The following TENT2 variants were observed in gnomAD, a reference collection of about 807,000 sequenced individuals.
TENT2 encodes the protein poly(A) RNA polymerase GLD2.
A neutral mutation model predicts 72.2 loss-of-function variants in TENT2; 44 were observed. That is an observed-to-expected ratio of 0.61 (90% CI 0.48 to 0.78). The LOEUF is 0.78. Ranked by LOEUF, TENT2 falls within the 30% of genes least tolerant of loss-of-function variation. The probability of loss-of-function intolerance (pLI) is 0.00; values close to 1 mark genes in which losing one functional copy is unlikely to be tolerated. For synonymous variants in TENT2, 212 were observed against 192.5 expected (o/e 1.10, Z -0.84); for missense variants, 541 against 569.6 (o/e 0.95, Z 0.51).
intron 11 of TENT2, among the ~76,000 whole-genome samples, chr5:79,667,977 C>T (rs1249852513): frequency 6.0e-5 from 9 of 149,066 alleles, no homozygotes; most frequent in Non-Finnish European, 1.0e-4. Flanking sequence ...TCTATTCTGA[C>T]GGCAGTGGAG....
At chr5:79,677,679 A>G (rs1317709923) in intron 12 of TENT2, among the ~76,000 whole-genome samples, 1 of 152,254 alleles carries the variant, frequency 6.6e-6, no homozygotes, top group Admixed American at 6.5e-5. Context: ...AAGTGAAGGG[A>G]TGCAAACTGT....
intron 10 of TENT2, among the ~76,000 whole-genome samples, chr5:79,650,251 A>G (rs1489425131): frequency 6.6e-6 from 1 of 152,158 alleles, no homozygotes; most frequent in Non-Finnish European, 1.5e-5. Flanking sequence ...CCTACCAAAT[A>G]AATGCTAGGT....
At position 79,668,979 on chromosome 5, in the gene TENT2, C is replaced by T. The variant is rs914782211; in HGVS notation, c.1159C>T (p.Leu387Phe). 1 of 1,613,784 alleles carries T rather than the reference C, an allele frequency of 6.2e-7. No individual in the cohort carries two copies. The change falls in exon 12 of 15, where the codon CTT becomes TTT. Residue 387 changes from leucine (L) to phenylalanine (F), a missense_variant. Transcript: ENST00000453514. ...PPYLSKNESNLGDLLLGFLKY... is the reference protein window; with the variant it reads ...PPYLSKNESNFGDLLLGFLKY... ...TTACCTCTCAAAGAATGAATCAAAC[C>T]TTGGGGACCTCTTACTGGGCTTTCT...
rs1825842683 is a variant in TENT2 at position 79,685,737 on chromosome 5, G to A, written c.*464G>A. On this transcript the variant is annotated 3_prime_UTR_variant, in exon 15 of 15. Coordinates refer to ENST00000453514, the MANE Select transcript of TENT2 (RefSeq NM_001114394.3). ...CAAGTCAGTTGTTCAGTTACTTGAA[G>A]CAAAACGAAATCTTTCATTTCAGTC... The A allele has an allele frequency of 1.3e-5, 2 of 154,032 alleles. No individual in the cohort carries two copies. Among genetic ancestry groups the A allele is most frequent in the African/African-American group, 4.8e-5 (2 of 41,460 alleles). The allele number at this position is 154,032 out of a possible 1,614,324, so 9.5% of individuals were successfully genotyped here.
intron 11 of TENT2, among the ~76,000 whole-genome samples, chr5:79,662,512 C>T (rs574285018): frequency 7.0e-4 from 107 of 152,232 alleles, no homozygotes; most frequent in African/African-American, 2.5e-3. Context: ...AAAATTACTC[C>T]TTGATCCGTG....
chr5:79,625,775 A>G (rs957469191), intron 4 of TENT2, among the ~76,000 whole-genome samples: 4 of 151,898 alleles, frequency 2.6e-5, no homozygotes, highest in African/African-American at 7.3e-5. Flanking sequence ...AATCAGTGGG[A>G]GAAAGGAAAA....
intron 3 of TENT2, 89 bp downstream of exon 3, chr5:79,620,172 C>T: frequency 1.2e-6 from 1 of 834,878 alleles, no homozygotes; most frequent in Non-Finnish European, 1.9e-6. Context: ...TGTATGGACC[C>T]TAAGCCCTAT....
chr5:79,641,244 T>G (rs1784204400), intron 6 of TENT2, 48 bp downstream of exon 6: 2 of 1,430,534 alleles, frequency 1.4e-6, no homozygotes, highest in African/African-American at 1.5e-5. Context: ...TGTTAATGAG[T>G]TAAGAAATTT....
chr5:79,657,377 A>G (rs1798688293), intron 11 of TENT2, among the ~76,000 whole-genome samples: 1 of 152,102 alleles, frequency 6.6e-6, no homozygotes, highest in African/African-American at 2.4e-5. Context: ...TTTTTGGCCC[A>G]GTATATTTAT....
rs1785535835 is a variant in TENT2, at chr5:79,642,858, T to C, written c.699T>C (p.Thr233=). ...EPCFFQVNQK[T]EARHILTLVH... Reference sequence around the variant, plus strand: ...GTTTTTTTCAGGTAAATCAGAAGACTGAAGCACGGCATATACTCACCTTAG... The same window carrying C: ...GTTTTTTTCAGGTAAATCAGAAGACCGAAGCACGGCATATACTCACCTTAG... Residue 233 remains threonine, a synonymous_variant, in exon 7 of 15, where the codon ACT becomes ACC. Transcript: ENST00000453514. The C allele has an allele frequency of 2.5e-6, 4 of 1,611,712 alleles. No homozygotes were observed. Among genetic ancestry groups the C allele is most frequent in the African/African-American group, 1.3e-5 (1 of 74,984 alleles).
chr5:79,641,874 C>G (rs1030302350), intron 6 of TENT2, among the ~76,000 whole-genome samples: 1 of 151,654 alleles, frequency 6.6e-6, no homozygotes, highest in Non-Finnish European at 1.5e-5. Context: ...ATCTGAAATG[C>G]TCCAATGAAC....
At chr5:79,638,036 G>A (rs1781567297) in intron 4 of TENT2, among the ~76,000 whole-genome samples, 1 of 151,296 alleles carries the variant, frequency 6.6e-6, no homozygotes, top group African/African-American at 2.4e-5. Flanking sequence ...TTGACCTCGT[G>A]ATCTGCCTGC....
chr5:79,648,798 G>A, intron 9 of TENT2, 105 bp downstream of exon 9: 1 of 905,112 alleles, frequency 1.1e-6, no homozygotes, highest in Non-Finnish European at 1.7e-6. Flanking sequence ...TTTAAGTATA[G>A]TGTATCTTAT....
At chr5:79,657,978 A>G (rs1488269277) in intron 11 of TENT2, among the ~76,000 whole-genome samples, 1 of 152,240 alleles carries the variant, frequency 6.6e-6, no homozygotes, top group Non-Finnish European at 1.5e-5. Context: ...CATCAGTTAA[A>G]TATAGTTTAA....
chr5:79,623,542 T>C, intron 4 of TENT2, 53 bp downstream of exon 4: 1 of 1,255,450 alleles, frequency 8.0e-7, no homozygotes, highest in Non-Finnish European at 1.1e-6. Context: ...GTATAAATAA[T>C]GTATTAATCA....
rs1165785988 is a variant in TENT2, at chr5:79,619,970, T to C, written c.138-24T>C. The C allele has an allele frequency of 3.2e-6, 5 of 1,542,458 alleles. No homozygotes were observed. The African/African-American group carries it at 4.2e-5, about 13-fold the overall frequency. Reference sequence around the variant, plus strand: ...TAAAGAAAAAATATGTATAAATTACTGTTCTTTTCTTTGATTTTGTTAGCT... The same window carrying C: ...TAAAGAAAAAATATGTATAAATTACCGTTCTTTTCTTTGATTTTGTTAGCT... On this transcript the variant is annotated intron_variant, in intron 2 of 14. Transcript: ENST00000453514.
chr5:79,644,028 C>G (rs1786639738), intron 7 of TENT2, among the ~76,000 whole-genome samples: 1 of 150,336 alleles, frequency 6.7e-6, no homozygotes, highest in Non-Finnish European at 1.5e-5. Flanking sequence ...TATCACGAGG[C>G]TGGAGTGCAG....
chr5:79,650,038 G>T (rs1792500464), intron 10 of TENT2, among the ~76,000 whole-genome samples: 2 of 152,086 alleles, frequency 1.3e-5, no homozygotes, highest in Non-Finnish European at 2.9e-5. Flanking sequence ...ATATGAATAT[G>T]TGGTGACATG....
At chr5:79,660,182 G>A (rs1801683407) in intron 11 of TENT2, among the ~76,000 whole-genome samples, 3 of 151,896 alleles carry the variant, frequency 2.0e-5, no homozygotes, top group Non-Finnish European at 4.4e-5. Context: ...ATATGAAAGG[G>A]ATAAAAGGCT....
Sources: gnomAD v4.1 joint callset for allele counts (sites outside exome capture counted in the v4.1 genomes callset) on GRCh38, gnomAD v4.1.1 for gene constraint, MANE v1.5 for transcripts, NCBI Gene and HGNC (gene_info 2026-07-23, HGNC 2026-07-21) for gene names.